TENM1: variants seen among roughly 807,000 people sequenced by gnomAD.
The protein encoded by TENM1 is teneurin-1.
TENM1 carries 35 observed loss-of-function variants against 174.8 expected under a neutral mutation model. That is an observed-to-expected ratio of 0.20 (90% CI 0.15 to 0.27). The LOEUF is 0.27. TENM1 is among the 10% of genes least tolerant of loss of function. The pLI is 1.00. For synonymous variants in TENM1, 781 were observed against 798.7 expected, an observed-to-expected ratio of 0.98 and a Z score of 0.37; for missense variants, 1,633 against 2,130.1, an observed-to-expected ratio of 0.77 and a Z score of 4.59.
intron 3 of TENM1, among the ~76,000 whole-genome samples, chrX:124,750,999 A>AT (rs1480040454): frequency 8.9e-6 from 1 of 112,255 alleles, no homozygotes; most frequent in Non-Finnish European, 1.9e-5. Flanking sequence ...TGAGTAGCAA[A>AT]TATCTTCATT....
At chrX:125,023,551 C>T in the TENM1 span, among the ~76,000 whole-genome samples, 24,993 of 108,998 alleles carry the variant, frequency 0.23, 2,929 homozygotes, top group African/African-American at 0.45. Flanking sequence ...TGGATGATGA[C>T]AGATGATGAC....
chrX:125,023,001 T>C, the TENM1 span, among the ~76,000 whole-genome samples: 1 of 111,535 alleles, frequency 9.0e-6, no homozygotes, highest in African/African-American at 3.3e-5. Context: ...CCACATCAGT[T>C]CTGAAAACCA....
chrX:124,837,629 C>A (rs1339995395), intron 3 of TENM1, among the ~76,000 whole-genome samples: 2 of 111,901 alleles, frequency 1.8e-5, no homozygotes, highest in Non-Finnish European at 3.8e-5. Context: ...TACCATCCAT[C>A]CAGGAACCTT....
chrX:124,801,288 T>C (rs929863696), intron 3 of TENM1, among the ~76,000 whole-genome samples: 1 of 112,079 alleles, frequency 8.9e-6, no homozygotes, highest in Non-Finnish European at 1.9e-5. Flanking sequence ...ATTGGGTGTA[T>C]ATACATTTAA....
intron 3 of TENM1, among the ~76,000 whole-genome samples, chrX:124,751,872 T>C (rs947292246): frequency 1.8e-5 from 2 of 111,121 alleles, no homozygotes; most frequent in African/African-American, 3.3e-5. Flanking sequence ...GTGCCACATT[T>C]ACTTAATCCA....
At position 124,490,344 on chromosome X, in the gene TENM1, T is replaced by C. The variant is rs531349560; in HGVS notation, c.3696-3115A>G. Reference sequence around the variant, plus strand: ...GTGTTTCTAGTATTTGTAGCTCCAATGCTGTTGACAAGAGGATGGTTCATG... The same window carrying C: ...GTGTTTCTAGTATTTGTAGCTCCAACGCTGTTGACAAGAGGATGGTTCATG... On this transcript the variant is annotated intron_variant, in intron 20 of 31. Transcript: ENST00000422452. Among the ~76,000 whole-genome samples the C allele has an allele frequency of 1.5e-4, 17 of 111,626 alleles. No homozygotes were observed. In the South Asian group the frequency reaches 6.1e-3, roughly 40 times the overall value.
intron 3 of TENM1, among the ~76,000 whole-genome samples, chrX:124,823,193 C>A: frequency 8.9e-6 from 1 of 112,000 alleles, no homozygotes; most frequent in South Asian, 3.7e-4. Flanking sequence ...ATATGGTAGA[C>A]ATCTACATGT....
chrX:125,082,700 T>C, the TENM1 span, among the ~76,000 whole-genome samples: 1 of 111,349 alleles, frequency 9.0e-6, no homozygotes, highest in Non-Finnish European at 1.9e-5. Context: ...TCCAGGTGCA[T>C]TACATCATTT....
intron 27 of TENM1, among the ~76,000 whole-genome samples, chrX:124,401,777 A>G (rs960467905): frequency 8.9e-6 from 1 of 112,145 alleles, no homozygotes; most frequent in African/African-American, 3.2e-5. Context: ...CAGCATAAAA[A>G]AAATCACTAG....
At chrX:124,899,160 C>A (rs181524378) in intron 1 of TENM1, among the ~76,000 whole-genome samples, 2 of 111,441 alleles carry the variant, frequency 1.8e-5, no homozygotes, top group Admixed American at 1.9e-4. Flanking sequence ...AAAGCACTTA[C>A]AACGCACCAC....
intron 3 of TENM1, among the ~76,000 whole-genome samples, chrX:124,758,674 A>G (rs577352646): frequency 1.8e-5 from 2 of 111,827 alleles, no homozygotes; most frequent in East Asian, 5.6e-4. Flanking sequence ...AAGGTGTGGC[A>G]TATACATATG....
chrX:124,590,657 A>G (rs1391575332), intron 11 of TENM1, among the ~76,000 whole-genome samples: 1 of 112,078 alleles, frequency 8.9e-6, no homozygotes, highest in Non-Finnish European at 1.9e-5. Flanking sequence ...AAGGCTGAGC[A>G]TATGTTTCCT....
Position 124,386,586 on chromosome X carries a change from A to G in TENM1, c.5689-522T>C, listed in dbSNP as rs183505007. On this transcript the variant is annotated intron_variant, in intron 28 of 31. Transcript: ENST00000422452. The stretch of plus-strand genomic sequence containing the variant: ...GTGGCTAGAACTTGAGTATGTTGGG[A>G]GTGGTGGGAATGGCAGGAGATGACG... Among the ~76,000 whole-genome samples the G allele has an allele frequency of 3.6e-5, 4 of 111,058 alleles. No homozygotes were observed. The East Asian group carries it at 1.1e-3, about 32-fold the overall frequency.
At chrX:124,683,925 T>A (rs186550384) in intron 5 of TENM1, among the ~76,000 whole-genome samples, 1 of 112,287 alleles carries the variant, frequency 8.9e-6, no homozygotes, top group East Asian at 2.8e-4. Context: ...ATGGCAGTAT[T>A]TTAGTTTCAT....
At chrX:124,659,081 G>A (rs903117671) in intron 6 of TENM1, among the ~76,000 whole-genome samples, 3 of 111,651 alleles carry the variant, frequency 2.7e-5, no homozygotes, top group African/African-American at 9.8e-5. Flanking sequence ...AATCTCACAC[G>A]GTGTAATACA....
chrX:124,782,378 C>T (rs1466621026), intron 3 of TENM1, among the ~76,000 whole-genome samples: 4 of 110,672 alleles, frequency 3.6e-5, no homozygotes, highest in Non-Finnish European at 3.8e-5. Context: ...CCTATAAGGC[C>T]CTTATAAATC....
intron 3 of TENM1, among the ~76,000 whole-genome samples, chrX:124,867,579 G>C (rs2057030559): frequency 8.9e-6 from 1 of 111,990 alleles, no homozygotes; most frequent in South Asian, 3.7e-4. Flanking sequence ...GACCTGGAAC[G>C]TGACAAATAT....
the TENM1 span, among the ~76,000 whole-genome samples, chrX:125,056,115 G>A: frequency 9.0e-6 from 1 of 110,524 alleles, no homozygotes; most frequent in Non-Finnish European, 1.9e-5. Flanking sequence ...AAAAAAAACA[G>A]AATTATATGT....
intron 1 of TENM1, among the ~76,000 whole-genome samples, chrX:124,935,437 C>T (rs1420579913): frequency 9.0e-6 from 1 of 111,448 alleles, no homozygotes; most frequent in Non-Finnish European, 1.9e-5. Context: ...AAACTTTCCC[C>T]GACCCTTCTA....
Sources: gnomAD v4.1 joint callset for allele counts (sites outside exome capture counted in the v4.1 genomes callset) on GRCh38, gnomAD v4.1.1 for gene constraint, MANE v1.5 for transcripts, NCBI Gene and HGNC (gene_info 2026-07-23, HGNC 2026-07-21) for gene names.